The following AASS variants were observed in gnomAD, a reference collection of about 807,000 sequenced individuals.
The protein encoded by AASS is alpha-aminoadipic semialdehyde synthase, mitochondrial.
A neutral mutation model predicts 105.4 loss-of-function variants in AASS; 86 were observed. The observed-to-expected ratio is 0.82, with a 90% CI of 0.69 to 0.98. The LOEUF is 0.98. Ranked by LOEUF, AASS falls within the 50% of genes least tolerant of loss-of-function variation. The probability of loss-of-function intolerance (pLI) is 0.00; values close to 1 mark genes in which losing one functional copy is unlikely to be tolerated. For synonymous variants in AASS, 381 were observed against 394.8 expected, an observed-to-expected ratio of 0.96 and a Z score of 0.41; for missense variants, 1,048 against 1,143.2, an observed-to-expected ratio of 0.92 and a Z score of 1.20.
intron 18 of AASS, among the ~76,000 whole-genome samples, chr7:122,087,756 C>A (rs887794893): frequency 2.6e-5 from 4 of 152,118 alleles, no homozygotes; most frequent in Non-Finnish European, 4.4e-5. Flanking sequence ...ATTTCTATAA[C>A]CCATGACAAT....
chr7:122,093,231 A>G (rs1298538633), intron 15 of AASS, 73 bp from the exon 16 acceptor site: 3 of 1,088,978 alleles, frequency 2.8e-6, no homozygotes, highest in Non-Finnish European at 4.3e-6. Context: ...GAACTGTATT[A>G]AAGCTGCATC....
chr7:122,076,189 C>A lies in AASS; in HGVS notation c.*300G>T, dbSNP rs537355645. ...ACTCCATCTCAAAAAACAACAACAA[C>A]AAAAAAAAAACAAAAGAAAAAAAGT... On this transcript the variant is annotated 3_prime_UTR_variant, in exon 24 of 24. Transcript: ENST00000417368. 0.013 allele frequency: 3,725 copies of A among 279,572 alleles called. 34 individuals are homozygous for A. Among genetic ancestry groups the A allele is most frequent in the Non-Finnish European group, 0.018 (2,632 of 148,064 alleles). The allele number at this position is 279,572 out of a possible 1,614,324, so 17.3% of individuals were successfully genotyped here. A position where few individuals can be genotyped will look rare whatever the true frequency, so the allele number is the denominator to read the frequency against.
At chr7:122,081,642 T>C (rs1419152622) in intron 19 of AASS, 47 bp from the exon 20 acceptor site, 1 of 1,339,722 alleles carries the variant, frequency 7.5e-7, no homozygotes, top group African/African-American at 1.5e-5. Flanking sequence ...TCTCTTCCAA[T>C]GAAAAAACTT....
At chr7:122,097,816 C>T (rs1794236580) in intron 15 of AASS, among the ~76,000 whole-genome samples, 1 of 151,944 alleles carries the variant, frequency 6.6e-6, no homozygotes. Flanking sequence ...CCTGCAATCC[C>T]ACTTCTAAGT....
At chr7:122,138,598 G>A (rs1796256152) in intron 1 of AASS, among the ~76,000 whole-genome samples, 1 of 152,144 alleles carries the variant, frequency 6.6e-6, no homozygotes, top group South Asian at 2.1e-4. Context: ...GAACTACTAT[G>A]TACTGAGACA....
Position 122,138,245 on chromosome 7 carries a change from C to T in AASS, c.-15-4504G>A, listed in dbSNP as rs144799174. On this transcript the variant is annotated intron_variant, in intron 1 of 23. Transcript: ENST00000417368. ...ATGGGAGTATTATAGTGAATTGCAG[C>T]GAGATACAGTAGACCCTGTTTATCT... 4.6e-3 allele frequency among the ~76,000 whole-genome samples: 700 copies of T among 152,162 alleles called. 4 individuals carry two copies. Among genetic ancestry groups the T allele is most frequent in the African/African-American group, 0.016 (671 of 41,514 alleles).
At chr7:122,101,074 T>C (rs1456353084) in intron 13 of AASS, among the ~76,000 whole-genome samples, 2 of 151,808 alleles carry the variant, frequency 1.3e-5, no homozygotes, top group African/African-American at 4.8e-5. Flanking sequence ...TATCAAAAGC[T>C]AGAGAAAAAC....
At chr7:122,107,588 G>A (rs1275206949) in intron 11 of AASS, among the ~76,000 whole-genome samples, 1 of 152,172 alleles carries the variant, frequency 6.6e-6, no homozygotes, top group Non-Finnish European at 1.5e-5. Context: ...ATGAGATCAT[G>A]TCTTTTGCAG....
chr7:122,105,287 C>T (rs1794616872), intron 11 of AASS, among the ~76,000 whole-genome samples: 1 of 151,928 alleles, frequency 6.6e-6, no homozygotes, highest in Non-Finnish European at 1.5e-5. Flanking sequence ...TAGTAGGAGA[C>T]TTCAATACCC....
At chr7:122,082,801 G>C (rs1793427396) in intron 19 of AASS, 1 of 1,288,070 alleles carries the variant, frequency 7.8e-7, no homozygotes, top group East Asian at 5.6e-5. Flanking sequence ...GATGGGGCTG[G>C]GTGGTTCAAG....
chr7:122,085,591 T>C (rs1479708806), intron 19 of AASS, among the ~76,000 whole-genome samples: 1 of 152,106 alleles, frequency 6.6e-6, no homozygotes, highest in African/African-American at 2.4e-5. Flanking sequence ...AGGGAGCTAA[T>C]GAGACAAAAA....
At chr7:122,130,890 A>G (rs1454438449) in intron 2 of AASS, among the ~76,000 whole-genome samples, 1 of 152,000 alleles carries the variant, frequency 6.6e-6, no homozygotes. Context: ...AATCTCTCTA[A>G]GAACTTACAT....
intron 1 of AASS, among the ~76,000 whole-genome samples, chr7:122,136,479 G>A (rs1419474542): frequency 6.6e-6 from 1 of 152,152 alleles, no homozygotes; most frequent in Admixed American, 6.5e-5. Flanking sequence ...GTAAACGACT[G>A]TTATATACTG....
At chr7:122,106,118 AC>A in intron 11 of AASS, among the ~76,000 whole-genome samples, 1 of 152,014 alleles carries the variant, frequency 6.6e-6, no homozygotes, top group South Asian at 2.1e-4. Context: ...TTGGGCTAAG[AC>A]TAGGGGGTTG....
At chr7:122,105,659 T>G (rs1010181193) in intron 11 of AASS, among the ~76,000 whole-genome samples, 1 of 151,882 alleles carries the variant, frequency 6.6e-6, no homozygotes, top group South Asian at 2.1e-4. Flanking sequence ...AAAGGGAAAT[T>G]TAAAAATTTC....
chr7:122,079,213 C>T, intron 21 of AASS: 1 of 1,386,084 alleles, frequency 7.2e-7, no homozygotes, highest in Non-Finnish European at 9.3e-7. Context: ...TTACAAAGAT[C>T]TTTATGAGAT....
intron 3 of AASS, among the ~76,000 whole-genome samples, chr7:122,127,335 T>C (rs1177634060): frequency 6.6e-6 from 1 of 152,188 alleles, no homozygotes. Flanking sequence ...TTTTAAACAG[T>C]AATTTTATTT....
chr7:122,098,341 A>G, intron 15 of AASS, 109 bp downstream of exon 15: 1 of 1,295,820 alleles, frequency 7.7e-7, no homozygotes, highest in Non-Finnish European at 1.1e-6. Flanking sequence ...TACTTCAATT[A>G]AAAACTTTAC....
intron 18 of AASS, among the ~76,000 whole-genome samples, chr7:122,087,855 T>C (rs1793700121): frequency 6.6e-6 from 1 of 152,120 alleles, no homozygotes; most frequent in Admixed American, 6.6e-5. Context: ...TTACCAATCA[T>C]AAATAAAGCA....
Sources: allele counts gnomAD v4.1 joint callset (sites outside exome capture counted in the v4.1 genomes callset), GRCh38; gene constraint gnomAD v4.1.1; transcripts MANE v1.5; gene names NCBI Gene and HGNC (gene_info 2026-07-23, HGNC 2026-07-21).